The following ZNF496 variants were observed in gnomAD, a reference collection of about 807,000 sequenced individuals.
ZNF496 encodes the protein NSD1 (nuclear receptor binding SET-domain containing 1)-interacting zinc finger protein 1.
In ZNF496, 11 loss-of-function variants were observed where a neutral mutation model predicts 58.9. The ratio of observed to expected loss-of-function variants is 0.19; its 90% CI spans 0.12 to 0.31. The LOEUF (loss-of-function observed/expected upper bound fraction) is 0.31, where lower values mean the gene tolerates loss of function less well. Ranked by LOEUF, ZNF496 falls within the 10% of genes least tolerant of loss-of-function variation. ZNF496 has a pLI of 1.00. For missense variants in ZNF496, 660 were observed against 783.0 expected, an observed-to-expected ratio of 0.84 and a Z score of 1.88; for synonymous variants, 338 against 318.2, an observed-to-expected ratio of 1.06 and a Z score of -0.66.
Position 247,309,930 on chromosome 1 carries a change from G to T in ZNF496, c.785-124C>A. On this transcript the variant is annotated intron_variant, in intron 7 of 9. Transcript: ENST00000682384. The surrounding 1 kb of genome is among the most constrained non-coding windows in gnomAD (Gnocchi z 4.3). ...GGCATGGCACCATCAGGGGCGAGAA[G>T]TGAAAAGGCCAGAGCTGGCAGTGCA... 1 of 1,362,492 alleles carries T rather than the reference G, an allele frequency of 7.3e-7. No homozygotes were observed. The allele number at this position is 1,362,492 out of a possible 1,614,324, so 84.4% of individuals were successfully genotyped here. A position where few individuals can be genotyped will look rare whatever the true frequency, so the allele number is the denominator to read the frequency against.
chr1:247,310,013 C>T, intron 7 of ZNF496: 5 of 1,418,048 alleles, frequency 3.5e-6, no homozygotes, highest in Non-Finnish European at 4.6e-6. Flanking sequence ...CTCTCTGAGG[C>T]TTTCGGGTGT....
chr1:247,331,236 C>G (rs1308352572), intron 2 of ZNF496, among the ~76,000 whole-genome samples, 196 bp downstream of exon 2: 1 of 152,250 alleles, frequency 6.6e-6, no homozygotes, highest in Non-Finnish European at 1.5e-5. Context: ...GATGAATGAA[C>G]TAACGTGAGT....
At chr1:247,311,534 G>A (rs1659604291) in intron 6 of ZNF496, 1 of 152,184 alleles carries the variant, frequency 6.6e-6, no homozygotes, top group Non-Finnish European at 1.5e-5. Context: ...AAAAGAAAAG[G>A]AGTAACAGGT....
rs1659500781 is a variant in ZNF496, at chr1:247,308,826, TTCTACTCCACCCAC to T, written c.893-252_893-239del. 1 of 470,434 alleles carries T rather than the reference TTCTACTCCACCCAC, an allele frequency of 2.1e-6. No individual in the cohort carries two copies. Among genetic ancestry groups the T allele is most frequent in the Non-Finnish European group, 3.9e-6 (1 of 255,444 alleles). The allele number at this position is 470,434 out of a possible 1,614,324, so 29.1% of individuals were successfully genotyped here. A position where few individuals can be genotyped will look rare whatever the true frequency, so the allele number is the denominator to read the frequency against. ...TAGACAGAATCGACGTAGATCCGGGTTCTACTCCACCCACTCTATGGCCAGAGACAAGCACTTCC... is the reference window on the plus strand; with the variant it reads ...TAGACAGAATCGACGTAGATCCGGGTTCTATGGCCAGAGACAAGCACTTCC... On this transcript the variant is annotated intron_variant, in intron 8 of 9. Transcript: ENST00000682384. This position sits in a 1 kb window ranked among gnomAD's most constrained non-coding sequence, Gnocchi z 4.5.
chr1:247,325,103 C>G (rs753300196), intron 5 of ZNF496, among the ~76,000 whole-genome samples: 1 of 152,192 alleles, frequency 6.6e-6, no homozygotes, highest in African/African-American at 2.4e-5. Flanking sequence ...AAAGCAAACC[C>G]CAGAGGCCAG....
At chr1:247,310,106 G>A (rs1659545359) in intron 7 of ZNF496, 2 of 1,431,720 alleles carry the variant, frequency 1.4e-6, no homozygotes, top group South Asian at 3.1e-5. Flanking sequence ...GTTCTGATAA[G>A]CCTGATGTGG....
chr1:247,329,544 G>A lies in ZNF496; in HGVS notation c.35C>T (p.Pro12Leu), dbSNP rs774280284. Residue 12 changes from proline (P) to leucine (L), a missense_variant, in exon 4 of 10, where the codon CCG (proline) becomes CTG (leucine). Pro to Leu is a moderately conservative substitution (Grantham distance 98). Transcript: ENST00000682384. The surrounding 1 kb of genome is among the most constrained non-coding windows in gnomAD (Gnocchi z 5.5). ...TTTCCTGGGCTCCTCACTTTCCTTCGGAGCCAAGACTCGGGGGCACAGGGC... is the reference window on the plus strand; with the variant it reads ...TTTCCTGGGCTCCTCACTTTCCTTCAGAGCCAAGACTCGGGGGCACAGGGC... Reference protein sequence around the residue: ...PTALCPRVLAPKESEEPRKMR... With the variant: ...PTALCPRVLALKESEEPRKMR... The A allele has an allele frequency of 4.5e-6, 7 of 1,571,234 alleles. No homozygotes were observed. In the South Asian group the frequency reaches 5.9e-5, roughly 13 times the overall value.
Position 247,308,735 on chromosome 1 carries a change from A to G in ZNF496, c.893-147T>C, listed in dbSNP as rs773992815. On this transcript the variant is annotated intron_variant, in intron 8 of 9. Coordinates refer to ENST00000682384, the MANE Select transcript of ZNF496 (RefSeq NM_032752.3). The surrounding 1 kb of genome is among the most constrained non-coding windows in gnomAD (Gnocchi z 4.5). The stretch of plus-strand genomic sequence containing the variant: ...ACTGGCAGGGGGTGGCCACTCAATA[A>G]GTGTCTGCTGAGTGAATGAACCTGA... 4.5e-6 allele frequency: 3 copies of G among 671,420 alleles called. No homozygotes were observed. The highest frequency in any genetic ancestry group is 7.6e-6 in the Non-Finnish European group (3 of 395,320). 41.6% of individuals were successfully genotyped at this position (671,420 alleles called of 1,614,324 possible). A position where few individuals can be genotyped will look rare whatever the true frequency, so the allele number is the denominator to read the frequency against.
chr1:247,325,292 G>A (rs1034394810), intron 5 of ZNF496, among the ~76,000 whole-genome samples: 5 of 152,212 alleles, frequency 3.3e-5, no homozygotes, highest in Admixed American at 6.5e-5. Context: ...CTGGATGGGC[G>A]TAGATTTGAG....
At chr1:247,303,498 G>T (rs966749581) in intron 9 of ZNF496, among the ~76,000 whole-genome samples, 1 of 152,152 alleles carries the variant, frequency 6.6e-6, no homozygotes, top group African/African-American at 2.4e-5. Flanking sequence ...TGAAGTGCAT[G>T]TTTAAAAAGC....
rs1659524648 is a variant in ZNF496, at chr1:247,309,561, T to C, written c.892+138A>G. On this transcript the variant is annotated intron_variant, in intron 8 of 9. Coordinates refer to ENST00000682384, the MANE Select transcript of ZNF496 (RefSeq NM_032752.3). The surrounding 1 kb of genome is among the most constrained non-coding windows in gnomAD (Gnocchi z 4.3). ...GAAAAGTCAGGGACAAGGCAAGACA[T>C]GCAAGACCCACATAGAGTCTGGGGA... is the stretch of plus-strand genomic sequence containing the variant. The C allele has an allele frequency of 9.0e-6, 13 of 1,443,816 alleles. No homozygotes were observed. Among genetic ancestry groups the C allele is most frequent in the Non-Finnish European group, 1.2e-5 (13 of 1,100,300 alleles). The allele number at this position is 1,443,816 out of a possible 1,614,324, so 89.4% of individuals were successfully genotyped here.
intron 9 of ZNF496, chr1:247,307,118 T>C (rs2103018733): frequency 1.0e-6 from 1 of 985,466 alleles, no homozygotes; most frequent in South Asian, 4.7e-5. Context: ...GTAGCATTAT[T>C]TGATTGGCAC....
intron 6 of ZNF496, among the ~76,000 whole-genome samples, chr1:247,318,397 A>G (rs980131664): frequency 9.2e-5 from 14 of 152,252 alleles, no homozygotes; most frequent in Non-Finnish European, 1.5e-5. Flanking sequence ...AGCAAACTCT[A>G]AACAGGTTAA....
At chr1:247,301,444 T>C (rs553930279) in intron 9 of ZNF496, among the ~76,000 whole-genome samples, 168 bp from the exon 10 acceptor site, 1 of 152,252 alleles carries the variant, frequency 6.6e-6, no homozygotes, top group East Asian at 1.9e-4. Flanking sequence ...TGGTGTAGCC[T>C]GTGAGGAAGA....
chr1:247,319,905 A>G (rs1489880167), intron 6 of ZNF496, among the ~76,000 whole-genome samples: 1 of 152,210 alleles, frequency 6.6e-6, no homozygotes, highest in African/African-American at 2.4e-5. Context: ...CCTGGGTGAC[A>G]GAGTGAGACT....
chr1:247,297,558 C>A lies in ZNF496; in HGVS notation c.*2961G>T, dbSNP rs1212693442. 1 of 152,246 alleles carries A rather than the reference C, an allele frequency of 6.6e-6. No individual in the cohort carries two copies. Among genetic ancestry groups the A allele is most frequent in the African/African-American group, 2.4e-5 (1 of 41,408 alleles). 9.4% of individuals were successfully genotyped at this position (152,246 alleles called of 1,614,324 possible). A position where few individuals can be genotyped will look rare whatever the true frequency, so the allele number is the denominator to read the frequency against. On this transcript the variant is annotated 3_prime_UTR_variant, in exon 10 of 10. Transcript: ENST00000682384. ...ACAAAGCTCCAGCCAGCTGCCCAGC[C>A]CCTGGGGTGGGAGGGAAGGATCGAG...
At chr1:247,310,552 C>A in intron 6 of ZNF496, 96 bp from the exon 7 acceptor site, 2 of 1,485,312 alleles carry the variant, frequency 1.3e-6, no homozygotes, top group Non-Finnish European at 9.2e-7. Flanking sequence ...CGCTGTAGGA[C>A]GGGCAGTTTC....
rs755533461 is a variant in ZNF496 at position 247,300,844 on chromosome 1, G to A, written c.1439C>T (p.Ser480Phe). 3 of 1,610,350 alleles carry A rather than the reference G, an allele frequency of 1.9e-6. No homozygotes were observed. The change falls in exon 10 of 10, where the codon TCC (serine) becomes TTC (phenylalanine). Residue 480 changes from serine to phenylalanine, a missense_variant. Ser to Phe is a radical substitution (Grantham distance 155, BLOSUM62 -2). Coordinates refer to ENST00000682384, the MANE Select transcript of ZNF496 (RefSeq NM_032752.3). This position sits in a 1 kb window ranked among gnomAD's most constrained non-coding sequence, Gnocchi z 5.7. ...CGGCTGCAGGTGTATCCGCCGGTGG[G>A]AGAGCAGGTGGGAGTTCAGGCGGAA... ...KSFRLNSHLL[S>F]HRRIHLQPDR...
At chr1:247,323,756 T>TAAAAAG (rs1164342084) in intron 5 of ZNF496, among the ~76,000 whole-genome samples, 2 of 130,166 alleles carry the variant, frequency 1.5e-5, no homozygotes, top group African/African-American at 2.7e-5. Context: ...ATTTGTTTCT[T>TAAAAAG]AAAAAGAAAA....
Sources: allele counts gnomAD v4.1 joint callset (sites outside exome capture counted in the v4.1 genomes callset), GRCh38; gene constraint gnomAD v4.1.1; non-coding constraint Gnocchi (gnomAD v3.1); transcripts MANE v1.5; gene names NCBI Gene and HGNC (gene_info 2026-07-23, HGNC 2026-07-21).